Variants in SEM1 observed in about 807,000 individuals in gnomAD.
The protein encoded by SEM1 is 26S proteasome complex subunit SEM1.
A neutral mutation model predicts 12.7 loss-of-function variants in SEM1; 3 were observed. The observed-to-expected ratio is 0.24, with a 90% CI of 0.11 to 0.61. The LOEUF (loss-of-function observed/expected upper bound fraction) is 0.61. Among genes scored for constraint, SEM1 ranks in the 20% least tolerant of loss-of-function variants. The pLI, the probability that SEM1 is intolerant of heterozygous loss-of-function variation, is 0.88. For missense variants in SEM1, 59 were observed against 81.3 expected (o/e 0.73, Z 1.06); for synonymous variants, 30 against 27.8 (o/e 1.08, Z -0.25).
chr7:96,508,987 A>G (rs932000877), intron 2 of SEM1, among the ~76,000 whole-genome samples: 4 of 127,910 alleles, frequency 3.1e-5, no homozygotes, highest in Admixed American at 2.7e-4. Context: ...ACTACAAGAA[A>G]CACAACTTTT....
rs866236594 is a variant in SEM1, at chr7:96,485,536, C to T, written c.227+667G>A. ...AAGCTAATCTTCCCATCTCTACATT[C>T]TTTTTTTTTTTTTTTTTTTTTTTTG... On this transcript the variant is annotated intron_variant, in intron 2 of 3. Transcript: ENST00000356686. Among the ~76,000 whole-genome samples the T allele has an allele frequency of 3.9e-4, 30 of 76,690 alleles. 1 individual carries two copies. In the South Asian group the frequency reaches 9.5e-3, roughly 24 times the overall value. The allele number at this position is 76,690 out of a possible 152,430, so 50.3% of individuals were successfully genotyped here.
chr7:96,502,497 C>A (rs1041818543), intron 3 of SEM1, among the ~76,000 whole-genome samples: 1 of 152,102 alleles, frequency 6.6e-6, no homozygotes, highest in African/African-American at 2.4e-5. Context: ...AAATTTAATT[C>A]TCTGTGCCTC....
chr7:96,531,463 G>A (rs1402452075), intron 2 of SEM1, among the ~76,000 whole-genome samples: 1 of 151,138 alleles, frequency 6.6e-6, no homozygotes, highest in African/African-American at 2.4e-5. Context: ...AACTAGTCAG[G>A]CAGGGTGGTG....
chr7:96,554,631 A>C (rs6465517), intron 2 of SEM1, among the ~76,000 whole-genome samples: 91,952 of 149,992 alleles, frequency 0.61, 29,005 homozygotes, highest in Non-Finnish European at 0.69. Context: ...CATCAATGTT[A>C]ATCAAGGATA....
chr7:96,704,188 T>C (rs977796608), intron 1 of SEM1, among the ~76,000 whole-genome samples: 2 of 151,956 alleles, frequency 1.3e-5, no homozygotes, highest in Non-Finnish European at 2.9e-5. Context: ...ATATCGTATG[T>C]CTTCTGTGTA....
At chr7:96,599,850 C>T (rs929218200) in intron 2 of SEM1, among the ~76,000 whole-genome samples, 3 of 152,170 alleles carry the variant, frequency 2.0e-5, no homozygotes, top group African/African-American at 7.2e-5. Context: ...TGCAGTTCCC[C>T]TAAAGTATTG....
Position 96,626,110 on chromosome 7 carries a change from A to G in SEM1, c.171-3467T>C, listed in dbSNP as rs147652006. 2.0e-5 allele frequency among the ~76,000 whole-genome samples: 3 copies of G among 152,118 alleles called. No homozygotes were observed. In the East Asian group the frequency reaches 5.8e-4, roughly 29 times the overall value. ...GTTATGTTATCAAATAATAGGTCTT[A>G]TTCATTCTTTCTTTTTGTTGTTTTT... On this transcript the variant is annotated intron_variant, in intron 2 of 2. Coordinates refer to the SEM1 transcript ENST00000417009.
chr7:96,643,914 T>C (rs1420189991), intron 2 of SEM1, among the ~76,000 whole-genome samples: 1 of 152,122 alleles, frequency 6.6e-6, no homozygotes. Context: ...TTGCCCACTT[T>C]CTTCTCCTTA....
chr7:96,696,071 A>T (rs1420615011), intron 1 of SEM1: 1 of 151,846 alleles, frequency 6.6e-6, no homozygotes, highest in African/African-American at 2.4e-5. Context: ...TAACTTAGAG[A>T]GGGGAAAAAT....
At chr7:96,707,027 G>T (rs544898374) in intron 1 of SEM1, among the ~76,000 whole-genome samples, 1 of 152,292 alleles carries the variant, frequency 6.6e-6, no homozygotes, top group South Asian at 2.1e-4. Context: ...AATACCAAAA[G>T]ATTGAAAATA....
chr7:96,605,895 C>T (rs140081032), intron 2 of SEM1, among the ~76,000 whole-genome samples: 1 of 152,312 alleles, frequency 6.6e-6, no homozygotes, highest in African/African-American at 2.4e-5. Flanking sequence ...TATCCTGCTC[C>T]ATCCTGCCTG....
intron 2 of SEM1, among the ~76,000 whole-genome samples, chr7:96,666,461 G>A (rs777837298): frequency 6.6e-6 from 1 of 152,054 alleles, no homozygotes; most frequent in Non-Finnish European, 1.5e-5. Context: ...AGGAGTAAAT[G>A]AGATCTATAT....
intron 1 of SEM1, chr7:96,695,233 T>A (rs189176730): frequency 5.7e-6 from 1 of 174,784 alleles, no homozygotes; most frequent in Non-Finnish European, 1.2e-5. Flanking sequence ...CTAAAGCAAG[T>A]TGAATGGCAG....
At chr7:96,622,961 C>A in intron 2 of SEM1, 1 of 292,642 alleles carries the variant, frequency 3.4e-6, no homozygotes. Flanking sequence ...ACCTGAGTCA[C>A]AGGGTGCCAG....
At chr7:96,524,129 G>A (rs563686671) in intron 2 of SEM1, among the ~76,000 whole-genome samples, 220 of 152,128 alleles carry the variant, frequency 1.4e-3, no homozygotes, top group South Asian at 5.0e-3. Context: ...CAACTGCCTC[G>A]CTTTTGTGAG....
intron 2 of SEM1, among the ~76,000 whole-genome samples, chr7:96,538,606 A>G (rs1048389492): frequency 1.3e-5 from 2 of 151,790 alleles, no homozygotes; most frequent in African/African-American, 4.8e-5. Flanking sequence ...GCTATGATCT[A>G]CTATTATACT....
intron 1 of SEM1, chr7:96,486,511 A>C: frequency 2.0e-6 from 2 of 990,670 alleles, no homozygotes; most frequent in Non-Finnish European, 3.0e-6. Flanking sequence ...GTGTCTTCTC[A>C]TTACTGGATT....
exon 4 of SEM1, chr7:96,482,071 G>GTT (rs1802563421): frequency 6.6e-6 from 1 of 152,168 alleles, no homozygotes; most frequent in Non-Finnish European, 1.5e-5. Context: ...AATTTGGTAA[G>GTT]TTTTGTTCTT....
chr7:96,537,151 A>G (rs1804809952), intron 2 of SEM1, among the ~76,000 whole-genome samples: 2 of 151,770 alleles, frequency 1.3e-5, no homozygotes, highest in South Asian at 4.1e-4. Context: ...TTCAAATCAC[A>G]CCACCACTAA....
Sources: allele counts gnomAD v4.1 joint callset (sites outside exome capture counted in the v4.1 genomes callset), GRCh38; gene constraint gnomAD v4.1.1; transcripts MANE v1.5; gene names NCBI Gene and HGNC (gene_info 2026-07-23, HGNC 2026-07-21).